The following TMSB15B variants were observed in gnomAD, a reference collection of about 807,000 sequenced individuals.
TMSB15B encodes the protein thymosin beta-15B.
intron 1 of TMSB15B, among the ~76,000 whole-genome samples, chrX:103,944,766 C>T (rs2075020985): frequency 1.8e-5 from 2 of 111,870 alleles, no homozygotes; most frequent in Admixed American, 1.9e-4. Flanking sequence ...TTGTTCATAC[C>T]TTTGTTATAA....
intron 1 of TMSB15B, chrX:103,932,106 G>A (rs5945723): frequency 0.32 from 34,969 of 110,799 alleles, 4,879 homozygotes; most frequent in Middle Eastern, 0.53. Flanking sequence ...ATAATAAACT[G>A]GTCAACGTTA....
chrX:103,920,288 C>A (rs782377499), intron 1 of TMSB15B, among the ~76,000 whole-genome samples: 14 of 111,374 alleles, frequency 1.3e-4, no homozygotes, highest in Admixed American at 1.0e-3. Context: ...GCCTCAGAAT[C>A]ATTTTGGAGA....
chrX:103,935,941 GGTTCAA>G (rs1159099609), intron 1 of TMSB15B, among the ~76,000 whole-genome samples: 1 of 101,765 alleles, frequency 9.8e-6, no homozygotes, highest in Non-Finnish European at 2.0e-5. Flanking sequence ...CTGCCTCCCA[GGTTCAA>G]GTTATTCTCC....
At chrX:103,921,051 G>A (rs1344811931) in intron 1 of TMSB15B, among the ~76,000 whole-genome samples, 1 of 112,416 alleles carries the variant, frequency 8.9e-6, no homozygotes, top group Non-Finnish European at 1.9e-5. Context: ...TTCCACTGCC[G>A]TTGGCTTCAT....
rs782025434 is a variant in TMSB15B at position 103,923,467 on chromosome X, C to T, written c.-721+4175C>T. Among the ~76,000 whole-genome samples the T allele has an allele frequency of 9.7e-3, 1,082 of 111,951 alleles. 11 individuals are homozygous for T. The highest frequency in any genetic ancestry group is 0.018 in the Middle Eastern group (4 of 218). On this transcript the variant is annotated intron_variant, in intron 1 of 3. Transcript: ENST00000419165. ...CCATTTATTAAATAGGGAATCCTTT[C>T]CCCATTTCTTGTTTTTGTCAGGTTT...
intron 1 of TMSB15B, among the ~76,000 whole-genome samples, chrX:103,945,027 C>A (rs1370706784): frequency 2.7e-5 from 3 of 112,358 alleles, no homozygotes; most frequent in African/African-American, 6.5e-5. Context: ...ATCCACCAGC[C>A]TCGGCCTCCC....
intron 1 of TMSB15B, among the ~76,000 whole-genome samples, chrX:103,942,866 A>C (rs1602440919): frequency 8.9e-6 from 1 of 111,818 alleles, no homozygotes; most frequent in Non-Finnish European, 1.9e-5. Flanking sequence ...AGTTTCTTAC[A>C]TATAATGTCC....
At chrX:103,929,657 A>G (rs186593186) in intron 1 of TMSB15B, among the ~76,000 whole-genome samples, 101 of 111,281 alleles carry the variant, frequency 9.1e-4, no homozygotes, top group Non-Finnish European at 1.8e-3. Flanking sequence ...CCATGGATGG[A>G]AATGATAAAA....
chrX:103,953,034 T>C (rs1427192168), intron 1 of TMSB15B, among the ~76,000 whole-genome samples: 2 of 111,552 alleles, frequency 1.8e-5, no homozygotes, highest in Non-Finnish European at 3.8e-5. Context: ...GGTTCTCGCA[T>C]TGAGATTAAT....
intron 1 of TMSB15B, among the ~76,000 whole-genome samples, chrX:103,940,509 C>G (rs1168428042): frequency 1.8e-5 from 2 of 111,328 alleles, no homozygotes; most frequent in Admixed American, 9.5e-5. Flanking sequence ...CCCTCTCCCC[C>G]CACCAAGATC....
At chrX:103,928,450 G>A in intron 1 of TMSB15B, 3 of 1,204,361 alleles carry the variant, frequency 2.5e-6, no homozygotes, top group Non-Finnish European at 3.4e-6. Flanking sequence ...ACGCCACTGG[G>A]CTGCAGGGAT....
At chrX:103,941,231 T>A (rs1273841396) in intron 1 of TMSB15B, among the ~76,000 whole-genome samples, 1 of 112,529 alleles carries the variant, frequency 8.9e-6, no homozygotes, top group Non-Finnish European at 1.9e-5. Flanking sequence ...TACAACATTT[T>A]CTTTATCCAT....
chrX:103,935,843 G>GTTTTTTT, intron 1 of TMSB15B, among the ~76,000 whole-genome samples: 1 of 80,184 alleles, frequency 1.2e-5, no homozygotes, highest in Non-Finnish European at 2.5e-5. Flanking sequence ...CATAGGAGTT[G>GTTTTTTT]TTTTTTTTTT....
At chrX:103,946,255 T>A (rs782701559) in intron 1 of TMSB15B, among the ~76,000 whole-genome samples, 1 of 112,137 alleles carries the variant, frequency 8.9e-6, no homozygotes, top group East Asian at 2.8e-4. Flanking sequence ...AAACAATACA[T>A]TTGGAGGATC....
At chrX:103,953,582 C>T (rs1194018911) in intron 1 of TMSB15B, among the ~76,000 whole-genome samples, 2 of 112,853 alleles carry the variant, frequency 1.8e-5, no homozygotes, top group Non-Finnish European at 3.8e-5. Flanking sequence ...GTTTGGGTGA[C>T]TTAGCCCTTC....
chrX:103,928,438 G>T, intron 1 of TMSB15B: 1 of 1,204,100 alleles, frequency 8.3e-7, no homozygotes, highest in Non-Finnish European at 1.1e-6. Flanking sequence ...ACACACCCTG[G>T]GACGCCACTG....
chrX:103,923,158 A>G (rs781901870), intron 1 of TMSB15B, among the ~76,000 whole-genome samples: 229 of 111,588 alleles, frequency 2.1e-3, no homozygotes, highest in Non-Finnish European at 3.3e-3. Flanking sequence ...TAGGTTGCCT[A>G]TTCACTCTGA....
intron 1 of TMSB15B, among the ~76,000 whole-genome samples, chrX:103,950,166 G>A (rs1351027942): frequency 9.0e-6 from 1 of 111,593 alleles, no homozygotes; most frequent in African/African-American, 3.3e-5. Flanking sequence ...ATTAGAATGT[G>A]TCCAAGAGAG....
At chrX:103,919,755 A>T (rs1459313534) in intron 1 of TMSB15B, among the ~76,000 whole-genome samples, 2 of 112,642 alleles carry the variant, frequency 1.8e-5, no homozygotes, top group Non-Finnish European at 3.8e-5. Context: ...TCTCCATTTC[A>T]CAGATGAAGA....
Sources: gnomAD v4.1 joint callset for allele counts (sites outside exome capture counted in the v4.1 genomes callset) on GRCh38, gnomAD v4.1.1 for gene constraint, MANE v1.5 for transcripts, NCBI Gene and HGNC (gene_info 2026-07-23, HGNC 2026-07-21) for gene names.